LY6G5B: variants seen among roughly 807,000 people sequenced by gnomAD.
The protein encoded by LY6G5B is lymphocyte antigen 6 family member G5B, also known as lymphocyte antigen 6 complex locus protein G5b.
LY6G5B carries 6 observed loss-of-function variants against 6.7 expected under a neutral mutation model. The observed-to-expected ratio is 0.89, with a 90% CI of 0.49 to 1.76. The LOEUF (loss-of-function observed/expected upper bound fraction) is 1.76, where lower values mean the gene tolerates loss of function less well. Ranked by LOEUF, LY6G5B falls within the 40% of genes most tolerant of loss-of-function variation. The pLI is 0.01. For synonymous variants in LY6G5B, 98 were observed against 99.4 expected, an observed-to-expected ratio of 0.99 and a Z score of 0.09; for missense variants, 240 against 249.5, an observed-to-expected ratio of 0.96 and a Z score of 0.26.
chr6:31,671,762 AGTAAATTAG>A (rs1404147694), intron 2 of LY6G5B, 93 bp from the exon 3 acceptor site: 15 of 1,402,052 alleles, frequency 1.1e-5, no homozygotes, highest in Middle Eastern at 2.5e-4. Flanking sequence ...CTGGGTTAGA[AGTAAATTAG>A]GTCTGGGTGA....
In LY6G5B at chr6:31,670,579, A is replaced by G. The variant is rs553596817; in HGVS notation, c.-372A>G. ...CCCTGTTGTATGACGAAGACAGCAC[A>G]TGGTGGCAGAGATAGATACTAACCC... On this transcript the variant is annotated 5_prime_UTR_variant, in exon 1 of 3. It removes an upstream start codon present in the reference 5' UTR. Coordinates refer to ENST00000375864, the Ensembl canonical transcript of LY6G5B. The G allele has an allele frequency of 8.2e-5, 20 of 243,632 alleles. No homozygotes were observed. The East Asian group carries it at 1.7e-3, about 20-fold the overall frequency. 15.1% of individuals were successfully genotyped at this position (243,632 alleles called of 1,614,324 possible).
rs909806786 is a variant in LY6G5B at position 31,670,284 on chromosome 6, C to T, written c.-667C>T. On this transcript the variant is annotated 5_prime_UTR_variant, in exon 1 of 3. It introduces an in-frame stop codon into an upstream open reading frame of the 5' UTR. Coordinates refer to ENST00000375864, the Ensembl canonical transcript of LY6G5B. ...CAAAAGGAAAAGACAAAGCATATTT[C>T]AAAGATGAGAAATATTTGTTTGGAT... 11 of 267,670 alleles carry T rather than the reference C, an allele frequency of 4.1e-5. No homozygotes were observed. Among genetic ancestry groups the T allele is most frequent in the Non-Finnish European group, 7.7e-5 (11 of 142,240 alleles). The allele number at this position is 267,670 out of a possible 1,614,324, so 16.6% of individuals were successfully genotyped here. A position where few individuals can be genotyped will look rare whatever the true frequency, so the allele number is the denominator to read the frequency against.
Position 31,671,400 on chromosome 6 carries a change from G to A in LY6G5B, c.187+116G>A, listed in dbSNP as rs988809276. 22 of 1,454,572 alleles carry A rather than the reference G, an allele frequency of 1.5e-5. No homozygotes were observed. In the African/African-American group the frequency reaches 2.9e-4, roughly 19 times the overall value. 90.1% of individuals were successfully genotyped at this position (1,454,572 alleles called of 1,614,324 possible). ...GGTACAAGAAGAGAGGAGGGGCTGAGTGCAATGGCTCATGCCTGTAACCCT... is the reference window on the plus strand; with the variant it reads ...GGTACAAGAAGAGAGGAGGGGCTGAATGCAATGGCTCATGCCTGTAACCCT... On this transcript the variant is annotated intron_variant, in intron 2 of 2. Coordinates refer to ENST00000375864, the Ensembl canonical transcript of LY6G5B.
rs370527046 is a variant in LY6G5B at position 31,671,130 on chromosome 6, C to T, written c.59-26C>T. ...AGGGTATTTGAGAGTGACCCAGTGC[C>T]TCCATCCCTCCTTCTGCCTCCCCAG... On this transcript the variant is annotated intron_variant, in intron 1 of 2. Coordinates refer to ENST00000375864, the Ensembl canonical transcript of LY6G5B. 22 of 1,613,664 alleles carry T rather than the reference C, an allele frequency of 1.4e-5. No individual in the cohort carries two copies. The African/African-American group carries it at 2.1e-4, about 16-fold the overall frequency.
At chr6:31,672,172 C>G in exon 3 of LY6G5B, 1 of 1,613,154 alleles carries the variant, frequency 6.2e-7, no homozygotes, top group Non-Finnish European at 8.5e-7. Flanking sequence ...CACACTGTCC[C>G]TGAACCTGGG....
exon 3 of LY6G5B, chr6:31,672,468 A>C (rs1802306425): frequency 1.4e-6 from 1 of 700,086 alleles, no homozygotes. Flanking sequence ...TGTTTGAGAC[A>C]AAGTCTCGCT....
exon 3 of LY6G5B, chr6:31,672,316 T>G (rs1353509308): frequency 2.5e-6 from 4 of 1,586,538 alleles, no homozygotes; most frequent in Non-Finnish European, 2.6e-6. Flanking sequence ...TGTAACACCC[T>G]CAGCATCCTG....
exon 2 of LY6G5B, chr6:31,671,224 G>C: frequency 6.2e-7 from 1 of 1,614,016 alleles, no homozygotes; most frequent in Middle Eastern, 1.6e-4. Flanking sequence ...ATGCATTTCA[G>C]GCTCAGAGAA....
chr6:31,671,309 T>C (rs1422093928), intron 2 of LY6G5B, 25 bp downstream of exon 2: 7 of 1,612,574 alleles, frequency 4.3e-6, no homozygotes, highest in Non-Finnish European at 5.9e-6. Context: ...AGGAAGGGGC[T>C]GCTGGTGGGG....
At chr6:31,672,703 C>G (rs1160305688) in exon 3 of LY6G5B, 1 of 180,382 alleles carries the variant, frequency 5.5e-6, no homozygotes, top group African/African-American at 2.4e-5. Context: ...CTCGACCTCC[C>G]AAAGTGCCGG....
exon 3 of LY6G5B, chr6:31,672,312 A>G (rs1410562791): frequency 2.5e-6 from 4 of 1,589,972 alleles, no homozygotes; most frequent in Non-Finnish European, 3.4e-6. Context: ...TTTCTGTAAC[A>G]CCCTCAGCAT....
At chr6:31,672,027 G>A (rs568075350) in exon 3 of LY6G5B, 68 of 1,613,016 alleles carry the variant, frequency 4.2e-5, no homozygotes, top group Admixed American at 4.0e-4. Flanking sequence ...GCTCTCTGCC[G>A]GAGCCCCATG....
chr6:31,671,164 C>T (rs767315561), exon 2 of LY6G5B: 3 of 1,614,080 alleles, frequency 1.9e-6, no homozygotes, highest in South Asian at 2.2e-5. Context: ...AGTTCCTGTT[C>T]CCGACATCCG....
chr6:31,671,079 T>C, intron 1 of LY6G5B, 71 bp downstream of exon 1: 1 of 1,610,834 alleles, frequency 6.2e-7, no homozygotes, highest in Non-Finnish European at 8.5e-7. Context: ...AGCGTGGCCA[T>C]GGATAATCGG....
In LY6G5B at chr6:31,671,863, G is replaced by A. The variant is rs760714520; in HGVS notation, c.188-1G>A. 3 of 1,603,750 alleles carry A rather than the reference G, an allele frequency of 1.9e-6. No homozygotes were observed. Among genetic ancestry groups the A allele is most frequent in the Non-Finnish European group, 2.6e-6 (3 of 1,172,912 alleles). On this transcript the variant is annotated splice_acceptor_variant, in intron 2 of 2. Coordinates refer to ENST00000375864, the Ensembl canonical transcript of LY6G5B. LOFTEE classifies it high-confidence loss of function. ...GTTATCAGCTTTCCCCTCTCCCTCA[G>A]ATGTCAAGGTTCGCTTCATCGTTCG...
At chr6:31,671,092 T>C (rs1802174814) in intron 1 of LY6G5B, 64 bp from the exon 2 acceptor site, 2 of 1,612,004 alleles carry the variant, frequency 1.2e-6, no homozygotes, top group Admixed American at 3.3e-5. Flanking sequence ...ATAATCGGGC[T>C]TCCTACTGGC....
intron 2 of LY6G5B, 122 bp from the exon 3 acceptor site, chr6:31,671,742 T>C (rs1280814974): frequency 8.2e-7 from 1 of 1,223,952 alleles, no homozygotes; most frequent in Non-Finnish European, 1.1e-6. Context: ...TTCTAGCCTC[T>C]TGAAGGACTC....
exon 3 of LY6G5B, chr6:31,672,525 A>C: frequency 1.1e-5 from 6 of 522,342 alleles, no homozygotes; most frequent in South Asian, 2.8e-5. Flanking sequence ...GCTCACTACA[A>C]CCTCCACCTC....
At chr6:31,671,868 C>G in exon 3 of LY6G5B, 2 of 1,604,638 alleles carry the variant, frequency 1.2e-6, no homozygotes, top group Admixed American at 1.7e-5. Flanking sequence ...CCTCAGATGT[C>G]AAGGTTCGCT....
Sources: gnomAD v4.1 joint callset for allele counts on GRCh38, gnomAD v4.1.1 for gene constraint, MANE v1.5 for transcripts, NCBI Gene and HGNC (gene_info 2026-07-23, HGNC 2026-07-21) for gene names.